Variants in FRMPD2 observed in about 807,000 individuals in gnomAD.
FRMPD2 encodes FERM and PDZ domain-containing protein 2.
Under a neutral mutation model 140.1 loss-of-function variants are expected in FRMPD2, and 96 were observed. That is an observed-to-expected ratio of 0.69 (90% CI 0.58 to 0.81). The LOEUF (loss-of-function observed/expected upper bound fraction) is 0.81. FRMPD2 is among the 40% of genes least tolerant of loss of function. The probability of loss-of-function intolerance (pLI) is 0.00; values close to 1 mark genes in which losing one functional copy is unlikely to be tolerated. For missense variants in FRMPD2, 1,240 were observed against 1,447.4 expected (o/e 0.86, Z 2.32); for synonymous variants, 449 against 547.6 (o/e 0.82, Z 2.52).
intron 24 of FRMPD2, 91 bp downstream of exon 24, chr10:48,174,779 C>T (rs1588805448): frequency 2.1e-6 from 2 of 949,874 alleles, no homozygotes; most frequent in East Asian, 2.5e-5. Context: ...TTCTTGCCTG[C>T]CTCCCTCCCA....
At chr10:48,247,922 T>C (rs1840289045) in intron 3 of FRMPD2, among the ~76,000 whole-genome samples, 1 of 151,978 alleles carries the variant, frequency 6.6e-6, no homozygotes, top group Non-Finnish European at 1.5e-5. Context: ...GATGCCAGAG[T>C]GACTTCCAGG....
At chr10:48,185,243 A>G (rs1838651584) in intron 18 of FRMPD2, among the ~76,000 whole-genome samples, 1 of 152,168 alleles carries the variant, frequency 6.6e-6, no homozygotes, top group Non-Finnish European at 1.5e-5. Flanking sequence ...CACTAGTAAG[A>G]GGTGAGATAA....
At chr10:48,245,563 G>T (rs1840228036) in intron 3 of FRMPD2, among the ~76,000 whole-genome samples, 2 of 152,144 alleles carry the variant, frequency 1.3e-5, no homozygotes, top group South Asian at 4.2e-4. Flanking sequence ...ACCCGAAGGT[G>T]GTAATATTAA....
At chr10:48,162,804 G>GC (rs1355421888) in intron 28 of FRMPD2, among the ~76,000 whole-genome samples, 1 of 136,852 alleles carries the variant, frequency 7.3e-6, no homozygotes, top group African/African-American at 2.8e-5. Flanking sequence ...AGCTGGTGTA[G>GC]CCAGGCATGA....
Position 48,241,225 on chromosome 10 carries a change from C to T in FRMPD2, c.568-733G>A, listed in dbSNP as rs542190665. Among the ~76,000 whole-genome samples, 14 of 152,252 alleles carry T rather than the reference C, an allele frequency of 9.2e-5. No individual in the cohort carries two copies. In the South Asian group the frequency reaches 1.2e-3, roughly 14 times the overall value. On this transcript the variant is annotated intron_variant, in intron 5 of 28. Transcript: ENST00000374201. ...GAGGCCTTCTCTGATTGACTGTTGC[C>T]GCTGTCCACCCTGCTGTCCCCACAT...
chr10:48,173,534 G>A (rs1838322857), intron 24 of FRMPD2, among the ~76,000 whole-genome samples: 1 of 151,584 alleles, frequency 6.6e-6, no homozygotes, highest in African/African-American at 2.4e-5. Flanking sequence ...CTCACTGCCA[G>A]TGACCCGCTG....
chr10:48,237,586 C>T (rs752388969), intron 8 of FRMPD2, among the ~76,000 whole-genome samples: 2 of 152,158 alleles, frequency 1.3e-5, no homozygotes, highest in Non-Finnish European at 2.9e-5. Context: ...GGATAACTCT[C>T]TCCTCCCTAT....
intron 17 of FRMPD2, among the ~76,000 whole-genome samples, chr10:48,186,575 T>C (rs1297672869): frequency 6.6e-6 from 1 of 152,346 alleles, no homozygotes; most frequent in East Asian, 1.9e-4. Flanking sequence ...GCTGCCATCA[T>C]GTAAGAAGTG....
intron 5 of FRMPD2, among the ~76,000 whole-genome samples, chr10:48,240,960 G>C (rs909471594): frequency 1.3e-5 from 2 of 152,234 alleles, no homozygotes; most frequent in African/African-American, 4.8e-5. Context: ...ACCTAATGCA[G>C]TGCCCAATGA....
At chr10:48,232,325 A>T (rs760970822) in intron 9 of FRMPD2, 36 bp from the exon 10 acceptor site, 1 of 1,505,306 alleles carries the variant, frequency 6.6e-7, no homozygotes, top group Admixed American at 1.9e-5. Flanking sequence ...TACTACAATT[A>T]TAAGTCATTG....
rs77107132 is a variant in FRMPD2 at position 48,274,653 on chromosome 10, G to A, written c.-86C>T. On this transcript the variant is annotated 5_prime_UTR_variant, in exon 1 of 29. Coordinates refer to ENST00000374201, the MANE Select transcript of FRMPD2 (RefSeq NM_001018071.4). ...AGGGGTCTCTTGCAAGTCTGTCCGC[G>A]GAGCTCCCTGCCACCAGCACTGTTG... 8.7e-5 allele frequency: 110 copies of A among 1,263,980 alleles called. No homozygotes were observed. The highest frequency in any genetic ancestry group is 7.9e-4 in the East Asian group (34 of 43,162). The allele number at this position is 1,263,980 out of a possible 1,614,324, so 78.3% of individuals were successfully genotyped here. A position where few individuals can be genotyped will look rare whatever the true frequency, so the allele number is the denominator to read the frequency against.
chr10:48,239,791 C>T, intron 6 of FRMPD2, 99 bp from the exon 7 acceptor site: 1 of 791,146 alleles, frequency 1.3e-6, no homozygotes, highest in Non-Finnish European at 2.2e-6. Context: ...GACTTACTAG[C>T]TGTGTGACCT....
chr10:48,236,703 G>C, intron 8 of FRMPD2, 150 bp from the exon 9 acceptor site: 1 of 693,724 alleles, frequency 1.4e-6, no homozygotes, highest in Non-Finnish European at 2.6e-6. Flanking sequence ...GACCTGGGCT[G>C]AGGCCCCAGC....
At chr10:48,210,245 A>G (rs1475431094) in intron 13 of FRMPD2, among the ~76,000 whole-genome samples, 1 of 152,224 alleles carries the variant, frequency 6.6e-6, no homozygotes, top group Non-Finnish European at 1.5e-5. Context: ...CAACACCAGC[A>G]TTAACAACCC....
intron 2 of FRMPD2, among the ~76,000 whole-genome samples, chr10:48,251,187 C>T (rs1279478960): frequency 3.9e-5 from 6 of 152,166 alleles, no homozygotes; most frequent in Non-Finnish European, 8.8e-5. Context: ...CACCCTGCCT[C>T]TCATCTCTGG....
chr10:48,262,616 A>G (rs934092240), intron 1 of FRMPD2, among the ~76,000 whole-genome samples: 2 of 152,182 alleles, frequency 1.3e-5, no homozygotes, highest in African/African-American at 4.8e-5. Context: ...ACGTAGTTAA[A>G]CTAGACACAC....
rs551401171 is a variant in FRMPD2, at chr10:48,192,429, A to G, written c.2165+255T>C. Reference sequence around the variant, plus strand: ...TGGAGAATCCCTGTCTCTACTAAAAATATAAAAATTAGCAGGGTGTGGCAG... The same window carrying G: ...TGGAGAATCCCTGTCTCTACTAAAAGTATAAAAATTAGCAGGGTGTGGCAG... On this transcript the variant is annotated intron_variant, in intron 16 of 28. Coordinates refer to ENST00000374201, the MANE Select transcript of FRMPD2 (RefSeq NM_001018071.4). Among the ~76,000 whole-genome samples the G allele has an allele frequency of 2.0e-5, 3 of 152,184 alleles. No individual in the cohort carries two copies. The East Asian group carries it at 5.8e-4, about 29-fold the overall frequency.
rs760390374 is a variant in FRMPD2, at chr10:48,192,853, G to A, written c.1996C>T (p.His666Tyr). 6.2e-7 allele frequency: 1 copy of A among 1,614,124 alleles called. No individual in the cohort carries two copies. The highest frequency in any genetic ancestry group is 8.5e-7 in the Non-Finnish European group (1 of 1,180,018). Reference sequence around the variant, plus strand: ...ATGAGAGGCTTAGACCGGGCCTGGTGTGCAGGACTCAAATTGGCCATTTGC... The same window carrying A: ...ATGAGAGGCTTAGACCGGGCCTGGTATGCAGGACTCAAATTGGCCATTTGC... ...FVQMANLSPA[H>Y]QARSKPLIWI... The change falls in exon 16 of 29, where the codon CAC (histidine) becomes TAC (tyrosine). Residue 666 changes from histidine to tyrosine, a missense_variant. Physicochemically the swap from His to Tyr is moderately conservative, Grantham distance 83. Around this residue, in one of 6 missense-constraint regions of FRMPD2, gnomAD observed 1,161 missense variants for 1,055.9 expected, o/e 1.10. Transcript: ENST00000374201.
chr10:48,245,819 C>T (rs958303674), intron 3 of FRMPD2, among the ~76,000 whole-genome samples: 5 of 152,158 alleles, frequency 3.3e-5, no homozygotes, highest in Non-Finnish European at 7.3e-5. Context: ...TAAGATCTCT[C>T]TTCTCAGGAA....
Sources: allele counts gnomAD v4.1 joint callset (sites outside exome capture counted in the v4.1 genomes callset), GRCh38; gene constraint gnomAD v4.1.1; regional missense constraint gnomAD v4.1.1; transcripts MANE v1.5; gene names NCBI Gene and HGNC (gene_info 2026-07-23, HGNC 2026-07-21).